HCRTR2: variants seen among roughly 807,000 people sequenced by gnomAD.
HCRTR2 encodes orexin receptor type 2.
HCRTR2 carries 22 observed loss-of-function variants against 49.0 expected under a neutral mutation model. The ratio of observed to expected loss-of-function variants is 0.45; its 90% confidence interval spans 0.32 to 0.64. HCRTR2 has a LOEUF of 0.64. Ranked by LOEUF, HCRTR2 falls within the 30% of genes least tolerant of loss-of-function variation. The pLI is 0.04. For synonymous variants in HCRTR2, 236 were observed against 205.3 expected, an observed-to-expected ratio of 1.15 and a Z score of -1.28; for missense variants, 491 against 559.4, an observed-to-expected ratio of 0.88 and a Z score of 1.23.
intron 1 of HCRTR2, among the ~76,000 whole-genome samples, chr6:55,120,257 C>T (rs1441904168): frequency 6.6e-6 from 1 of 151,670 alleles, no homozygotes; most frequent in East Asian, 1.9e-4. Flanking sequence ...TATGTGGGCC[C>T]TTTTTTGGTT....
At chr6:55,172,901 T>C (rs559508324), upstream of HCRTR2, among the ~76,000 whole-genome samples, 3 of 152,264 alleles carry the variant, frequency 2.0e-5, no homozygotes, top group African/African-American at 7.2e-5. Context: ...TAATTACATA[T>C]AAAAACTGGT....
chr6:55,240,501 C>A (rs1279823516), intron 1 of HCRTR2, among the ~76,000 whole-genome samples: 1 of 151,870 alleles, frequency 6.6e-6, no homozygotes, highest in Admixed American at 6.6e-5. Context: ...GGCACGTTTG[C>A]ATGTAGTTCT....
At chr6:55,256,000 G>A (rs1186295245) in intron 3 of HCRTR2, among the ~76,000 whole-genome samples, 1 of 152,188 alleles carries the variant, frequency 6.6e-6, no homozygotes, top group Non-Finnish European at 1.5e-5. Context: ...CAAGTATGAT[G>A]TGAAATTTAA....
chr6:55,106,637 TC>T (rs1467260668), intron 1 of HCRTR2: 1 of 152,116 alleles, frequency 6.6e-6, no homozygotes, highest in Admixed American at 6.6e-5. Context: ...GTTTTAGAAA[TC>T]GTCCTAAGGA....
chr6:55,114,921 C>T (rs1007759757), intron 1 of HCRTR2, among the ~76,000 whole-genome samples: 13 of 151,624 alleles, frequency 8.6e-5, no homozygotes, highest in Admixed American at 2.0e-4. Context: ...TGTGGAGAAG[C>T]AAGGTTTTCA....
intron 1 of HCRTR2, among the ~76,000 whole-genome samples, chr6:55,198,991 A>G (rs1482143077): frequency 6.6e-6 from 1 of 152,212 alleles, no homozygotes; most frequent in Non-Finnish European, 1.5e-5. Context: ...CTGGTTGCTC[A>G]AGCCTAAATT....
chr6:55,252,752 G>A (rs1766575872), intron 2 of HCRTR2, among the ~76,000 whole-genome samples: 1 of 152,052 alleles, frequency 6.6e-6, no homozygotes, highest in South Asian at 2.1e-4. Context: ...CAATAATTTA[G>A]CAAAGGTTAG....
chr6:55,243,358 G>T (rs1766370973), intron 1 of HCRTR2, among the ~76,000 whole-genome samples: 1 of 152,050 alleles, frequency 6.6e-6, no homozygotes, highest in African/African-American at 2.4e-5. Context: ...GTTATTCACA[G>T]AACTGATTTA....
At chr6:55,175,651 A>T (rs747041797) in intron 1 of HCRTR2, among the ~76,000 whole-genome samples, 1 of 152,062 alleles carries the variant, frequency 6.6e-6, no homozygotes, top group African/African-American at 2.4e-5. Flanking sequence ...CTAGGTCTGT[A>T]TGCAAACACG....
intron 1 of HCRTR2, among the ~76,000 whole-genome samples, chr6:55,208,518 A>G (rs1387647997): frequency 6.6e-6 from 1 of 151,902 alleles, no homozygotes; most frequent in African/African-American, 2.4e-5. Flanking sequence ...AAAAAAAAGA[A>G]TGAATTGCTC....
downstream of HCRTR2, among the ~76,000 whole-genome samples, chr6:55,284,407 C>T (rs1048957937): frequency 2.0e-5 from 3 of 152,156 alleles, no homozygotes; most frequent in African/African-American, 4.8e-5. Context: ...CTATCCCTCA[C>T]CTACTTAACC....
intron 1 of HCRTR2, among the ~76,000 whole-genome samples, chr6:55,134,591 G>GA: frequency 6.6e-6 from 1 of 151,824 alleles, no homozygotes; most frequent in South Asian, 2.1e-4. Flanking sequence ...TCTTATAACT[G>GA]AGAGTGTGTA....
intron 1 of HCRTR2, among the ~76,000 whole-genome samples, chr6:55,234,916 A>G (rs1766185915): frequency 6.6e-6 from 1 of 152,174 alleles, no homozygotes; most frequent in African/African-American, 2.4e-5. Flanking sequence ...AGCCCTGTTT[A>G]CAATAGCCCT....
At chr6:55,137,160 A>T (rs1764444860) in intron 1 of HCRTR2, among the ~76,000 whole-genome samples, 1 of 152,218 alleles carries the variant, frequency 6.6e-6, no homozygotes, top group Admixed American at 6.5e-5. Context: ...TTATGAAATG[A>T]TTCCCCATAG....
intron 1 of HCRTR2, among the ~76,000 whole-genome samples, chr6:55,199,267 T>G (rs1195361867): frequency 2.1e-5 from 3 of 144,048 alleles, no homozygotes; most frequent in Admixed American, 6.9e-5. Flanking sequence ...CAGTTTTTTG[T>G]TTTTTTTTTT....
At chr6:55,240,192 C>T (rs572887552) in intron 1 of HCRTR2, among the ~76,000 whole-genome samples, 2 of 151,496 alleles carry the variant, frequency 1.3e-5, no homozygotes, top group Non-Finnish European at 2.9e-5. Context: ...CCCGTCTCTA[C>T]TAAAAATACA....
chr6:55,248,863 A>T (rs1166889809), intron 2 of HCRTR2, 46 bp downstream of exon 2: 1 of 1,523,964 alleles, frequency 6.6e-7, no homozygotes, highest in African/African-American at 1.4e-5. Flanking sequence ...AAGAATGTTC[A>T]GCCATAGCGA....
intron 1 of HCRTR2, among the ~76,000 whole-genome samples, chr6:55,150,837 C>T (rs1267810747): frequency 6.6e-6 from 1 of 151,832 alleles, no homozygotes; most frequent in Non-Finnish European, 1.5e-5. Flanking sequence ...ATTTCAATTC[C>T]TTTGTCCCTG....
At chr6:55,129,589 G>A (rs1234219318) in intron 1 of HCRTR2, among the ~76,000 whole-genome samples, 2 of 152,010 alleles carry the variant, frequency 1.3e-5, no homozygotes, top group African/African-American at 4.8e-5. Context: ...CAGTCTTTGT[G>A]TTCTGACATA....
Sources: gnomAD v4.1 joint callset for allele counts (sites outside exome capture counted in the v4.1 genomes callset) on GRCh38, gnomAD v4.1.1 for gene constraint, MANE v1.5 for transcripts, NCBI Gene and HGNC (gene_info 2026-07-23, HGNC 2026-07-21) for gene names.